Variants in ZNF713 observed in about 807,000 individuals in gnomAD.
ZNF713 encodes the protein zinc finger protein 713.
ZNF713 carries 21 observed loss-of-function variants against 28.7 expected under a neutral mutation model. That is an observed-to-expected ratio of 0.73 (90% CI 0.52 to 1.05). The LOEUF (loss-of-function observed/expected upper bound fraction) is 1.05, where lower values mean the gene tolerates loss of function less well. Among genes scored for constraint, ZNF713 ranks in the 50% least tolerant of loss-of-function variants. The probability of loss-of-function intolerance (pLI) is 0.00; values close to 1 mark genes in which losing one functional copy is unlikely to be tolerated. For synonymous variants in ZNF713, 167 were observed against 178.0 expected (o/e 0.94, Z 0.49); for missense variants, 458 against 532.4 (o/e 0.86, Z 1.37).
chr7:55,931,359 T>C (rs1421263762), intron 6 of ZNF713, among the ~76,000 whole-genome samples: 1 of 152,148 alleles, frequency 6.6e-6, no homozygotes, highest in African/African-American at 2.4e-5. Flanking sequence ...AACTCTGACA[T>C]TTTCTGTCTT....
At chr7:55,895,806 T>C (rs551626782) in intron 1 of ZNF713, among the ~76,000 whole-genome samples, 2 of 152,298 alleles carry the variant, frequency 1.3e-5, no homozygotes, top group Admixed American at 1.3e-4. Context: ...ATTTTCACTT[T>C]TCCTTAATCC....
chr7:55,907,275 G>T (rs1473745222), intron 2 of ZNF713, among the ~76,000 whole-genome samples: 1 of 152,142 alleles, frequency 6.6e-6, no homozygotes, highest in African/African-American at 2.4e-5. Flanking sequence ...GGGCACTGGG[G>T]ATTAAATATA....
rs1349197306 is a variant in ZNF713 at position 55,887,871 on chromosome 7, C to CG, written c.-583+193dup. On this transcript the variant is annotated intron_variant, in intron 1 of 6. Coordinates refer to ENST00000429591, the MANE Select transcript of ZNF713 (RefSeq NM_182633.3). Reference sequence around the variant, plus strand: ...GGCGGCGGCGGGCGGCGGGCGGCGGCGGCGGCGGCGGCGGCGGGCGGCGGC... The same window carrying CG: ...GGCGGCGGCGGGCGGCGGGCGGCGGCGGGCGGCGGCGGCGGCGGGCGGCGGC... Among the ~76,000 whole-genome samples the CG allele has an allele frequency of 0.017, 48 of 2,744 alleles. 7 individuals carry two copies. The East Asian group carries it at 0.2, about 11-fold the overall frequency. 1.8% of individuals were successfully genotyped at this position (2,744 alleles called of 152,430 possible).
At chr7:55,918,638 A>G (rs772051766) in intron 4 of ZNF713, among the ~76,000 whole-genome samples, 12 of 152,212 alleles carry the variant, frequency 7.9e-5, no homozygotes, top group Middle Eastern at 3.2e-3. Context: ...GGAGAATGTT[A>G]TTAGAAGCTG....
At chr7:55,926,287 G>A (rs564821324) in intron 6 of ZNF713, among the ~76,000 whole-genome samples, 2 of 152,290 alleles carry the variant, frequency 1.3e-5, no homozygotes, top group East Asian at 3.9e-4. Context: ...TCCAGCCTGG[G>A]CAACAGAGCG....
chr7:55,921,341 A>C (rs896260727), intron 4 of ZNF713, among the ~76,000 whole-genome samples: 6 of 152,226 alleles, frequency 3.9e-5, no homozygotes, highest in Non-Finnish European at 8.8e-5. Flanking sequence ...AGTAATTTTG[A>C]CTTTCAAGTC....
intron 1 of ZNF713, among the ~76,000 whole-genome samples, chr7:55,892,270 T>A (rs1366938318): frequency 1.0e-5 from 1 of 96,148 alleles, no homozygotes; most frequent in Non-Finnish European, 1.8e-5. Flanking sequence ...AGAGTGAGAC[T>A]CCATCTCAAA....
Position 55,939,839 on chromosome 7 carries a change from G to A in ZNF713, c.1165G>A (p.Glu389Lys), listed in dbSNP as rs1786428308. 1 of 1,614,120 alleles carries A rather than the reference G, an allele frequency of 6.2e-7. No individual in the cohort carries two copies. The highest frequency in any genetic ancestry group is 1.3e-5 in the African/African-American group (1 of 75,016). The change falls in exon 7 of 7, where the codon GAA becomes AAA. Residue 389 changes from glutamate (E) to lysine (K), a missense_variant. Physicochemically the swap from Glu to Lys is moderately conservative, Grantham distance 56. Transcript: ENST00000429591. The stretch of plus-strand genomic sequence containing the variant: ...TCAGAGGACACATCTGAATCAACAT[G>A]AAAGAACTCATACAGGAGAGAAACC... ...FSQRTHLNQH[E>K]RTHTGEKPYK...
Position 55,893,969 on chromosome 7 carries a change from G to T in ZNF713, c.-583+6289G>T, listed in dbSNP as rs141730197. Among the ~76,000 whole-genome samples, 593 of 152,286 alleles carry T rather than the reference G, an allele frequency of 3.9e-3. 4 individuals carry two copies. The highest frequency in any genetic ancestry group is 0.013 in the African/African-American group (555 of 41,556). On this transcript the variant is annotated intron_variant, in intron 1 of 6. Coordinates refer to ENST00000429591, the MANE Select transcript of ZNF713 (RefSeq NM_182633.3). ...GGGGAGAATGAGGGGTGAGAGAAAG[G>T]AGGGCAGGAGAAGGCCAGAGAGAAA...
At chr7:55,890,215 C>T (rs1785355612) in intron 1 of ZNF713, among the ~76,000 whole-genome samples, 1 of 151,856 alleles carries the variant, frequency 6.6e-6, no homozygotes. Context: ...TTTGGAAGGC[C>T]GAGGCAGGTG....
chr7:55,928,545 G>A (rs1336481860), intron 6 of ZNF713, among the ~76,000 whole-genome samples: 1 of 152,174 alleles, frequency 6.6e-6, no homozygotes, highest in Non-Finnish European at 1.5e-5. Context: ...TTAACGTGGA[G>A]CAGGCAAGGT....
In ZNF713 at chr7:55,940,189, C is replaced by G; in HGVS notation, c.*183C>G. 1.8e-6 allele frequency: 2 copies of G among 1,096,264 alleles called. No homozygotes were observed. Among genetic ancestry groups the G allele is most frequent in the Non-Finnish European group, 2.4e-6 (2 of 820,950 alleles). The allele number at this position is 1,096,264 out of a possible 1,614,324, so 67.9% of individuals were successfully genotyped here. On this transcript the variant is annotated 3_prime_UTR_variant, in exon 7 of 7. Coordinates refer to ENST00000429591, the MANE Select transcript of ZNF713 (RefSeq NM_182633.3). ...CCAGGCTGAAGTGCAGTGGTACAAT[C>G]TTGGCTCACTGCAACCTCTGCCACC...
chr7:55,921,304 A>C lies in ZNF713; in HGVS notation c.88-1858A>C, dbSNP rs182775596. On this transcript the variant is annotated intron_variant, in intron 4 of 6. Transcript: ENST00000429591. Reference sequence around the variant, plus strand: ...CTGTTTTCGTGCCCACTAACACAACAACCATTCTGCAGCCCACGGATCAAG... The same window carrying C: ...CTGTTTTCGTGCCCACTAACACAACCACCATTCTGCAGCCCACGGATCAAG... Among the ~76,000 whole-genome samples the C allele has an allele frequency of 5.8e-4, 89 of 152,316 alleles. No individual in the cohort carries two copies. In the East Asian group the frequency reaches 7.1e-3, roughly 12 times the overall value.
intron 6 of ZNF713, among the ~76,000 whole-genome samples, chr7:55,932,695 TAACAAGGTGA>T (rs1039794328): frequency 6.7e-6 from 1 of 148,198 alleles, no homozygotes; most frequent in Non-Finnish European, 1.5e-5. Context: ...CCATCCTGGC[TAACAAGGTGA>T]AACCCCGTCT....
intron 4 of ZNF713, among the ~76,000 whole-genome samples, chr7:55,918,560 T>C (rs1255354125): frequency 2.6e-5 from 4 of 151,996 alleles, no homozygotes; most frequent in African/African-American, 9.7e-5. Flanking sequence ...ACGAGTGAAA[T>C]AATAAAGGGC....
At chr7:55,918,615 C>G (rs1467599939) in intron 4 of ZNF713, among the ~76,000 whole-genome samples, 2 of 152,160 alleles carry the variant, frequency 1.3e-5, no homozygotes, top group Admixed American at 6.5e-5. Flanking sequence ...TGTCAAAACT[C>G]AAAGGATAGT....
intron 3 of ZNF713, 47 bp downstream of exon 3, chr7:55,912,115 G>A (rs1026986140): frequency 6.6e-6 from 1 of 152,458 alleles, no homozygotes; most frequent in African/African-American, 2.4e-5. Context: ...TTTGCATATT[G>A]GAAGGATCAC....
chr7:55,921,499 G>C (rs1785993043), intron 4 of ZNF713, among the ~76,000 whole-genome samples: 1 of 152,202 alleles, frequency 6.6e-6, no homozygotes, highest in Non-Finnish European at 1.5e-5. Flanking sequence ...GTGAGAGGAG[G>C]TCAAATATCA....
At chr7:55,905,507 A>T (rs994968259) in intron 1 of ZNF713, among the ~76,000 whole-genome samples, 7 of 152,028 alleles carry the variant, frequency 4.6e-5, no homozygotes, top group African/African-American at 1.7e-4. Flanking sequence ...CAGACATAAA[A>T]TACTAATTTA....
Sources: allele counts gnomAD v4.1 joint callset (sites outside exome capture counted in the v4.1 genomes callset), GRCh38; gene constraint gnomAD v4.1.1; transcripts MANE v1.5; gene names NCBI Gene and HGNC (gene_info 2026-07-23, HGNC 2026-07-21).